PCSK6: variants seen among roughly 807,000 people sequenced by gnomAD.
PCSK6 encodes paired basic amino acid cleaving enzyme 4.
In PCSK6, 85 loss-of-function variants were observed where a neutral mutation model predicts 123.3. That is an observed-to-expected ratio of 0.69 (90% confidence interval 0.58 to 0.83). PCSK6 has a LOEUF of 0.83. Among genes scored for constraint, PCSK6 ranks in the 40% least tolerant of loss-of-function variants. PCSK6 has a pLI of 0.00. For synonymous variants in PCSK6, 508 were observed against 516.0 expected (o/e 0.98, Z 0.21); for missense variants, 1,191 against 1,282.3 (o/e 0.93, Z 1.09).
intron 13 of PCSK6, among the ~76,000 whole-genome samples, chr15:101,343,535 A>G (rs2040666455): frequency 6.6e-6 from 1 of 152,166 alleles, no homozygotes. Flanking sequence ...TTGAATATGT[A>G]GTATTTTTAT....
chr15:101,475,105 A>G (rs1319932501), intron 1 of PCSK6, among the ~76,000 whole-genome samples: 1 of 152,142 alleles, frequency 6.6e-6, no homozygotes, highest in Non-Finnish European at 1.5e-5. Flanking sequence ...AGGCTGCCCC[A>G]TTCTCCTCAC....
intron 14 of PCSK6, 61 bp downstream of exon 14, chr15:101,331,791 C>T: frequency 6.2e-7 from 1 of 1,604,174 alleles, no homozygotes; most frequent in Non-Finnish European, 8.5e-7. Flanking sequence ...ATTTTAAGAG[C>T]TACTCTGGAC....
Position 101,370,540 on chromosome 15 carries a change from G to A in PCSK6, c.1533-17C>T, listed in dbSNP as rs760641052. On this transcript the variant is annotated splice_polypyrimidine_tract_variant and intron_variant, in intron 11 of 21. Transcript: ENST00000611716. ...GGGATGCTCCTGGGGGAGAAGGGAG[G>A]GCTCAGCACTTGGCACCGGAAGCAT... 1.4e-6 allele frequency: 2 copies of A among 1,431,836 alleles called. No individual in the cohort carries two copies. Among genetic ancestry groups the A allele is most frequent in the Admixed American group, 2.6e-5 (1 of 38,016 alleles). The allele number at this position is 1,431,836 out of a possible 1,614,324, so 88.7% of individuals were successfully genotyped here.
intron 6 of PCSK6, among the ~76,000 whole-genome samples, chr15:101,409,796 C>T (rs997506965): frequency 2.6e-5 from 4 of 152,156 alleles, no homozygotes; most frequent in African/African-American, 7.2e-5. Flanking sequence ...GGTTCCACTC[C>T]GGCCAAGCCA....
At chr15:101,309,558 C>T (rs1004457985) in intron 20 of PCSK6, among the ~76,000 whole-genome samples, 1 of 152,268 alleles carries the variant, frequency 6.6e-6, no homozygotes, top group Non-Finnish European at 1.5e-5. Context: ...AGAGGCCACT[C>T]CCATCAGCCT....
chr15:101,439,608 T>C (rs1567222477), intron 2 of PCSK6, among the ~76,000 whole-genome samples: 1 of 152,352 alleles, frequency 6.6e-6, no homozygotes, highest in East Asian at 1.9e-4. Context: ...CTATGTGCTC[T>C]TGTCAGGAAC....
chr15:101,489,350 G>A (rs2058106322), intron 1 of PCSK6, 24 bp downstream of exon 1: 8 of 1,135,868 alleles, frequency 7.0e-6, no homozygotes, highest in East Asian at 1.1e-4. Context: ...AAAGTTTTGG[G>A]CGCGCGGGGC....
intron 1 of PCSK6, among the ~76,000 whole-genome samples, chr15:101,477,905 T>C (rs1311755249): frequency 2.0e-5 from 3 of 152,226 alleles, no homozygotes; most frequent in African/African-American, 4.8e-5. Context: ...CATTCCTGCA[T>C]AGATAAGCCT....
At chr15:101,410,847 G>C (rs748210261) in intron 6 of PCSK6, among the ~76,000 whole-genome samples, 1 of 152,140 alleles carries the variant, frequency 6.6e-6, no homozygotes. Context: ...AGTCTCCCCT[G>C]GTGGGAAACG....
intron 11 of PCSK6, among the ~76,000 whole-genome samples, chr15:101,379,518 T>TA (rs1312690189): frequency 6.6e-6 from 1 of 152,144 alleles, no homozygotes; most frequent in Admixed American, 6.5e-5. Context: ...GAGGGGTGTA[T>TA]AAAGAGGCAT....
At chr15:101,417,850 T>A (rs1404122539) in intron 6 of PCSK6, among the ~76,000 whole-genome samples, 2 of 151,340 alleles carry the variant, frequency 1.3e-5, no homozygotes, top group Admixed American at 1.3e-4. Context: ...TGTTTTTTTT[T>A]ATTTTTACGT....
intron 15 of PCSK6, among the ~76,000 whole-genome samples, chr15:101,329,703 T>G (rs567573215): frequency 1.8e-4 from 28 of 152,338 alleles, no homozygotes; most frequent in Non-Finnish European, 3.4e-4. Flanking sequence ...TCCCTTGCAG[T>G]CCTGTGTGGA....
In PCSK6 at chr15:101,429,990, T is replaced by C; in HGVS notation, c.731A>G (p.Asn244Ser). The change falls in exon 5 of 22, where the codon AAT becomes AGT. Residue 244 changes from asparagine to serine, a missense_variant. By Grantham distance (46) the Asn-to-Ser change is conservative. Coordinates refer to ENST00000611716, the MANE Select transcript of PCSK6 (RefSeq NM_002570.5). ...PSPRYDASNE[N>S]KHGTRCAGEV... ...GAGATGAGGCGAGGTGACGTACTTA[T>C]TTTCATTGCTGGCATCATATCGTGG... The C allele has an allele frequency of 6.2e-7, 1 of 1,612,986 alleles. No individual in the cohort carries two copies. Among genetic ancestry groups the C allele is most frequent in the Non-Finnish European group, 8.5e-7 (1 of 1,179,018 alleles).
At chr15:101,387,045 T>G (rs1423943529) in intron 9 of PCSK6, among the ~76,000 whole-genome samples, 1 of 152,206 alleles carries the variant, frequency 6.6e-6, no homozygotes, top group Non-Finnish European at 1.5e-5. Flanking sequence ...GCTCCAGCCC[T>G]GGCCTCCCCT....
At position 101,370,526 on chromosome 15, in the gene PCSK6, G is replaced by C; in HGVS notation, c.1533-3C>G. The C allele has an allele frequency of 6.8e-7, 1 of 1,467,942 alleles. No individual in the cohort carries two copies. Among genetic ancestry groups the C allele is most frequent in the Non-Finnish European group, 9.1e-7 (1 of 1,101,278 alleles). The allele number at this position is 1,467,942 out of a possible 1,614,324, so 90.9% of individuals were successfully genotyped here. ...GCACCTGCACTAAGGGGATGCTCCT[G>C]GGGGAGAAGGGAGGGCTCAGCACTT... is the stretch of plus-strand genomic sequence containing the variant. On this transcript the variant is annotated splice_region_variant and splice_polypyrimidine_tract_variant and intron_variant, in intron 11 of 21. Coordinates refer to ENST00000611716, the MANE Select transcript of PCSK6 (RefSeq NM_002570.5).
chr15:101,446,487 C>A (rs190587690), intron 1 of PCSK6, among the ~76,000 whole-genome samples: 3 of 152,290 alleles, frequency 2.0e-5, no homozygotes, highest in East Asian at 3.9e-4. Context: ...GCTTTCAATT[C>A]TTTTGGGTAT....
intron 1 of PCSK6, among the ~76,000 whole-genome samples, chr15:101,454,005 C>T (rs544963974): frequency 4.5e-4 from 69 of 152,328 alleles, no homozygotes; most frequent in Middle Eastern, 3.4e-3. Context: ...CAGGGGGAGC[C>T]CGTCTGGCTC....
At chr15:101,476,714 G>C (rs2057741049) in intron 1 of PCSK6, among the ~76,000 whole-genome samples, 1 of 152,182 alleles carries the variant, frequency 6.6e-6, no homozygotes, top group African/African-American at 2.4e-5. Flanking sequence ...GGGGAGGAAG[G>C]AGATTTTGGA....
chr15:101,326,787 G>A (rs1333571499), intron 15 of PCSK6, among the ~76,000 whole-genome samples: 2 of 152,252 alleles, frequency 1.3e-5, no homozygotes, highest in Admixed American at 6.5e-5. Context: ...TGAGAGCCTG[G>A]AGGGGTAGCG....
Sources: gnomAD v4.1 joint callset for allele counts (sites outside exome capture counted in the v4.1 genomes callset) on GRCh38, gnomAD v4.1.1 for gene constraint, MANE v1.5 for transcripts, NCBI Gene and HGNC (gene_info 2026-07-23, HGNC 2026-07-21) for gene names.